The following MGAT4C variants were observed in gnomAD, a reference collection of about 807,000 sequenced individuals.
The protein encoded by MGAT4C is MGAT4 family member C, also known as alpha-1,3-mannosyl-glycoprotein 4-beta-N-acetylglucosaminyltransferase C.
In MGAT4C, 19 loss-of-function variants were observed where a neutral mutation model predicts 40.1. The observed-to-expected ratio is 0.47, with a 90% confidence interval of 0.33 to 0.70. The LOEUF is 0.70. Ranked by LOEUF, MGAT4C falls within the 30% of genes least tolerant of loss-of-function variation. MGAT4C has a pLI of 0.02. For synonymous variants in MGAT4C, 181 were observed against 187.1 expected (o/e 0.97, Z 0.27); for missense variants, 491 against 563.2 (o/e 0.87, Z 1.30).
intron 4 of MGAT4C, among the ~76,000 whole-genome samples, chr12:86,301,405 T>C (rs1024596400): frequency 3.9e-5 from 6 of 152,202 alleles, no homozygotes; most frequent in Admixed American, 2.0e-4. Context: ...ATTTTACACA[T>C]CATAGAAAGT....
At chr12:86,644,468 G>A (rs552902746) in intron 2 of MGAT4C, among the ~76,000 whole-genome samples, 126 of 151,888 alleles carry the variant, frequency 8.3e-4, no homozygotes, top group African/African-American at 2.7e-3. Flanking sequence ...TAAGGTATTA[G>A]TATATCCACC....
chr12:86,462,132 A>C (rs550592196), intron 2 of MGAT4C, among the ~76,000 whole-genome samples: 1 of 152,370 alleles, frequency 6.6e-6, no homozygotes, highest in South Asian at 2.1e-4. Flanking sequence ...TATTGCATGC[A>C]TTCCTTGATA....
intron 3 of MGAT4C, among the ~76,000 whole-genome samples, chr12:86,386,351 T>A (rs1592773902): frequency 6.6e-6 from 1 of 152,048 alleles, no homozygotes; most frequent in Admixed American, 6.6e-5. Flanking sequence ...TTTGCTTACC[T>A]CCTCCCACTA....
At chr12:86,109,561 T>C (rs1019480665) in intron 1 of MGAT4C, among the ~76,000 whole-genome samples, 1 of 152,086 alleles carries the variant, frequency 6.6e-6, no homozygotes, top group Non-Finnish European at 1.5e-5. Context: ...TCAGTATTAT[T>C]ATTATCATAA....
chr12:86,679,005 A>G (rs1393829818), intron 2 of MGAT4C, among the ~76,000 whole-genome samples: 1 of 152,086 alleles, frequency 6.6e-6, no homozygotes, highest in African/African-American at 2.4e-5. Context: ...GAATCGCCAC[A>G]CTGACTTCCA....
At position 85,963,225 on chromosome 12, in the gene MGAT4C, G is replaced by T. The variant is rs1883202856; in HGVS notation, c.*16064C>A. The T allele has an allele frequency of 6.6e-6, 1 of 151,808 alleles. No homozygotes were observed. Among genetic ancestry groups the T allele is most frequent in the Non-Finnish European group, 1.5e-5 (1 of 67,852 alleles). The allele number at this position is 151,808 out of a possible 1,614,324, so 9.4% of individuals were successfully genotyped here. A position where few individuals can be genotyped will look rare whatever the true frequency, so the allele number is the denominator to read the frequency against. On this transcript the variant is annotated 3_prime_UTR_variant, in exon 5 of 5. Transcript: ENST00000611864. ...TTAAAATGGAAAAATTATAATAATTGAATTTTTAATTCCTCATAAATATTT... is the reference window on the plus strand; with the variant it reads ...TTAAAATGGAAAAATTATAATAATTTAATTTTTAATTCCTCATAAATATTT...
At chr12:86,356,921 C>A (rs1219719324) in intron 3 of MGAT4C, among the ~76,000 whole-genome samples, 3 of 152,184 alleles carry the variant, frequency 2.0e-5, no homozygotes, top group African/African-American at 4.8e-5. Flanking sequence ...CAAAAGGCAG[C>A]AGAAACTTCT....
intron 2 of MGAT4C, among the ~76,000 whole-genome samples, chr12:86,653,255 G>A (rs1183992188): frequency 6.6e-6 from 1 of 151,840 alleles, no homozygotes; most frequent in East Asian, 1.9e-4. Context: ...GTAGACAAGT[G>A]GTCCAGGGCA....
At chr12:86,329,602 C>G (rs1457236203) in intron 4 of MGAT4C, among the ~76,000 whole-genome samples, 1 of 152,136 alleles carries the variant, frequency 6.6e-6, no homozygotes, top group African/African-American at 2.4e-5. Context: ...AGGTTCAAAT[C>G]AACATCTGCA....
rs142658069 is a variant in MGAT4C, at chr12:86,238,835, C to T, written c.-57+17404G>A. ...GAAGAAAGATAAAGTATTATGCAAA[C>T]TCATAGTATTAATATTAAAAGCCTA... On this transcript the variant is annotated intron_variant, in intron 1 of 4. Coordinates refer to ENST00000611864, the MANE Select transcript of MGAT4C (RefSeq NM_001351288.2). 3.9e-5 allele frequency among the ~76,000 whole-genome samples: 6 copies of T among 152,066 alleles called. No individual in the cohort carries two copies. The East Asian group carries it at 1.2e-3, about 29-fold the overall frequency.
chr12:86,724,311 G>A (rs1222939980), intron 2 of MGAT4C, among the ~76,000 whole-genome samples: 1 of 152,132 alleles, frequency 6.6e-6, no homozygotes, highest in Non-Finnish European at 1.5e-5. Context: ...TCCCCAAATT[G>A]TAATGCTTTA....
chr12:86,089,483 C>A (rs759295810), intron 1 of MGAT4C, among the ~76,000 whole-genome samples: 3 of 151,686 alleles, frequency 2.0e-5, no homozygotes, highest in Non-Finnish European at 4.4e-5. Flanking sequence ...CTTTCTCCTC[C>A]TCTATCCCAC....
chr12:86,315,920 G>T (rs540560002), intron 4 of MGAT4C, among the ~76,000 whole-genome samples: 1 of 151,528 alleles, frequency 6.6e-6, no homozygotes, highest in Non-Finnish European at 1.5e-5. Context: ...ATAATGTAAA[G>T]AATGAGGGAA....
At chr12:86,226,953 T>C (rs573088772) in intron 1 of MGAT4C, among the ~76,000 whole-genome samples, 1 of 152,074 alleles carries the variant, frequency 6.6e-6, no homozygotes, top group South Asian at 2.1e-4. Flanking sequence ...CTCTAACTTG[T>C]AGTTTATATT....
intron 2 of MGAT4C, among the ~76,000 whole-genome samples, chr12:86,504,749 T>C (rs150202140): frequency 2.6e-5 from 4 of 152,220 alleles, no homozygotes; most frequent in Admixed American, 6.5e-5. Flanking sequence ...TGCAGTGGCA[T>C]GATCTCAGTT....
At chr12:86,280,540 T>C (rs1020405916) in intron 4 of MGAT4C, among the ~76,000 whole-genome samples, 1 of 152,032 alleles carries the variant, frequency 6.6e-6, no homozygotes, top group African/African-American at 2.4e-5. Flanking sequence ...TTAATGCATA[T>C]CTTTTCAGAA....
rs6144795 is a variant in MGAT4C, at chr12:86,774,281, CTCTTTCTTTCTTTCTTTCTTTCTTTCTT to C, written c.-261-47068_-261-47041del. Among the ~76,000 whole-genome samples, 4 of 58,960 alleles carry C rather than the reference CTCTTTCTTTCTTTCTTTCTTTCTTTCTT, an allele frequency of 6.8e-5. No homozygotes were observed. The East Asian group carries it at 1.8e-3, about 26-fold the overall frequency. The allele number at this position is 58,960 out of a possible 152,430, so 38.7% of individuals were successfully genotyped here. A position where few individuals can be genotyped will look rare whatever the true frequency, so the allele number is the denominator to read the frequency against. On this transcript the variant is annotated intron_variant, in intron 1 of 7. Coordinates refer to the MGAT4C transcript ENST00000548651. ...CTTAAAAAGTAACTTCTAAGGCTTG[CTCTTTCTTTCTTTCTTTCTTTCTTTCTT>C]TCTTTCTTTCTTTCTTTCTTTCTTT...
intron 3 of MGAT4C, among the ~76,000 whole-genome samples, chr12:86,425,349 AGT>A (rs1421198095): frequency 3.9e-5 from 6 of 152,212 alleles, no homozygotes; most frequent in African/African-American, 1.4e-4. Context: ...CATGATAGTG[AGT>A]GAGTTCTCAC....
chr12:86,666,763 T>A (rs1358948169), intron 2 of MGAT4C, among the ~76,000 whole-genome samples: 10 of 152,194 alleles, frequency 6.6e-5, no homozygotes, highest in African/African-American at 1.9e-4. Context: ...CCGACCAATC[T>A]TTCTGACATA....
Sources: gnomAD v4.1 joint callset for allele counts (sites outside exome capture counted in the v4.1 genomes callset) on GRCh38, gnomAD v4.1.1 for gene constraint, MANE v1.5 for transcripts, NCBI Gene and HGNC (gene_info 2026-07-23, HGNC 2026-07-21) for gene names.